The following GPX8 variants were observed in gnomAD, a reference collection of about 807,000 sequenced individuals.
GPX8 encodes protein peroxidase GPX8.
GPX8 carries 12 observed loss-of-function variants against 17.8 expected under a neutral mutation model. The observed-to-expected ratio is 0.67, with a 90% confidence interval of 0.43 to 1.09. The LOEUF (loss-of-function observed/expected upper bound fraction) is 1.09, where lower values mean the gene tolerates loss of function less well. Ranked by LOEUF, GPX8 falls within the 50% of genes least tolerant of loss-of-function variation. The pLI, the probability that GPX8 is intolerant of heterozygous loss-of-function variation, is 0.00. For synonymous variants in GPX8, 86 were observed against 88.1 expected (o/e 0.98, Z 0.14); for missense variants, 209 against 235.6 (o/e 0.89, Z 0.74).
chr5:55,161,437 G>A (rs888669707), intron 2 of GPX8, among the ~76,000 whole-genome samples, 182 bp downstream of exon 2: 1 of 152,166 alleles, frequency 6.6e-6, no homozygotes, highest in African/African-American at 2.4e-5. Flanking sequence ...TGAAATCAAT[G>A]TTTTAGCTTC....
At chr5:55,163,076 G>A (rs434658) in intron 2 of GPX8, among the ~76,000 whole-genome samples, 95,205 of 151,988 alleles carry the variant, frequency 0.63, 30,189 homozygotes, top group Admixed American at 0.71. Flanking sequence ...AGCACGGAGC[G>A]TACATTAATC....
At position 55,166,440 on chromosome 5, in the gene GPX8, G is replaced by A. The variant is rs752044192; in HGVS notation, c.*2222G>A. On this transcript the variant is annotated 3_prime_UTR_variant, in exon 3 of 3. Transcript: ENST00000503787. ...CCCTTTAGGTAAGCAGAGTAGGCAG[G>A]AGGAGATTTGAAAGCGTGTCATACA... 2 of 152,226 alleles carry A rather than the reference G, an allele frequency of 1.3e-5. No homozygotes were observed. The highest frequency in any genetic ancestry group is 2.9e-5 in the Non-Finnish European group (2 of 68,064). The allele number at this position is 152,226 out of a possible 1,614,324, so 9.4% of individuals were successfully genotyped here.
chr5:55,164,396 G>A lies in GPX8; in HGVS notation c.*178G>A. ...TAAACATGCTATTAAATGTGGCAATGAAGGATTTTTTTTTAATGTTATCTT... is the reference window on the plus strand; with the variant it reads ...TAAACATGCTATTAAATGTGGCAATAAAGGATTTTTTTTTAATGTTATCTT... On this transcript the variant is annotated 3_prime_UTR_variant, in exon 3 of 3. Transcript: ENST00000503787. 1 of 394,446 alleles carries A rather than the reference G, an allele frequency of 2.5e-6. No individual in the cohort carries two copies. 24.4% of individuals were successfully genotyped at this position (394,446 alleles called of 1,614,324 possible). A position where few individuals can be genotyped will look rare whatever the true frequency, so the allele number is the denominator to read the frequency against.
chr5:55,162,090 C>CAA (rs34286995), intron 2 of GPX8, among the ~76,000 whole-genome samples: 15 of 90,674 alleles, frequency 1.7e-4, no homozygotes, highest in East Asian at 3.1e-4. Flanking sequence ...CCATATTAGT[C>CAA]AAAAAAAAAA....
In GPX8 at chr5:55,165,793, A is replaced by C. The variant is rs899743054; in HGVS notation, c.*1575A>C. 3.3e-5 allele frequency: 5 copies of C among 152,266 alleles called. No individual in the cohort carries two copies. Among genetic ancestry groups the C allele is most frequent in the Non-Finnish European group, 5.9e-5 (4 of 68,052 alleles). The allele number at this position is 152,266 out of a possible 1,614,324, so 9.4% of individuals were successfully genotyped here. ...TGCGTGACTTTAGGCAAGTCACTTAAGTACCTTATTTCAGTTTCCTCACCT... is the reference window on the plus strand; with the variant it reads ...TGCGTGACTTTAGGCAAGTCACTTACGTACCTTATTTCAGTTTCCTCACCT... On this transcript the variant is annotated 3_prime_UTR_variant, in exon 3 of 3. Coordinates refer to ENST00000503787, the MANE Select transcript of GPX8 (RefSeq NM_001008397.4).
At chr5:55,160,572 T>C (rs1339702277) in intron 1 of GPX8, 176 bp downstream of exon 1, 9 of 568,550 alleles carry the variant, frequency 1.6e-5, no homozygotes, top group Middle Eastern at 4.6e-4. Context: ...TTCTAAATAA[T>C]AAATTCCGAT....
At position 55,165,093 on chromosome 5, in the gene GPX8, C is replaced by T. The variant is rs566117734; in HGVS notation, c.*875C>T. ...GGCTGATTTGGGTTGCTAATGTATT[C>T]GTACTAGATTAGCCACTTGGGAGGA... On this transcript the variant is annotated 3_prime_UTR_variant, in exon 3 of 3. Coordinates refer to ENST00000503787, the MANE Select transcript of GPX8 (RefSeq NM_001008397.4). The T allele has an allele frequency of 9.9e-5, 15 of 152,244 alleles. No homozygotes were observed. The highest frequency in any genetic ancestry group is 2.4e-4 in the African/African-American group (10 of 41,532). 9.4% of individuals were successfully genotyped at this position (152,244 alleles called of 1,614,324 possible).
intron 2 of GPX8, 57 bp downstream of exon 2, chr5:55,161,312 T>A: frequency 6.8e-7 from 1 of 1,465,210 alleles, no homozygotes; most frequent in South Asian, 1.2e-5. Context: ...TAAACAATTA[T>A]ACCAGGACAA....
Position 55,161,194 on chromosome 5 carries a change from C to T in GPX8, c.405C>T (p.Pro135=), listed in dbSNP as rs1417844494. The T allele has an allele frequency of 4.0e-5, 65 of 1,613,972 alleles. No individual in the cohort carries two copies. In the East Asian group the frequency reaches 1.4e-3, roughly 36 times the overall value. Residue 135 remains proline, a synonymous_variant, in exon 2 of 3, where the codon CCC becomes CCT. Coordinates refer to ENST00000503787, the MANE Select transcript of GPX8 (RefSeq NM_001008397.4). ...GAAAAAACTACGGAGTAACTTTCCC[C>T]ATCTTCCACAAGATTAAGATTCTAG... is the stretch of plus-strand genomic sequence containing the variant. ...FARKNYGVTF[P]IFHKIKILGS...
Position 55,161,182 on chromosome 5 carries a change from A to G in GPX8, c.393A>G (p.Gly131=), listed in dbSNP as rs773600557. ...AATCTTTTGCAAGAAAAAACTACGG[A>G]GTAACTTTCCCCATCTTCCACAAGA... The part of the protein sequence containing the change: ...EVESFARKNY[G]VTFPIFHKIK... Residue 131 remains glycine (G), a synonymous_variant, in exon 2 of 3, where the codon GGA becomes GGG. Coordinates refer to ENST00000503787, the MANE Select transcript of GPX8 (RefSeq NM_001008397.4). 1 of 1,614,204 alleles carries G rather than the reference A, an allele frequency of 6.2e-7. No homozygotes were observed.
At position 55,164,485 on chromosome 5, in the gene GPX8, G is replaced by T. The variant is rs1175955717; in HGVS notation, c.*267G>T. Reference sequence around the variant, plus strand: ...TTACCCAAAGCAAAAATCAAGAGTAGCCAAAGAATCAACATGAAATATATT... The same window carrying T: ...TTACCCAAAGCAAAAATCAAGAGTATCCAAAGAATCAACATGAAATATATT... On this transcript the variant is annotated 3_prime_UTR_variant, in exon 3 of 3. Coordinates refer to ENST00000503787, the MANE Select transcript of GPX8 (RefSeq NM_001008397.4). 8.6e-6 allele frequency: 2 copies of T among 233,736 alleles called. No individual in the cohort carries two copies. The highest frequency in any genetic ancestry group is 1.6e-5 in the Non-Finnish European group (2 of 122,082). 14.5% of individuals were successfully genotyped at this position (233,736 alleles called of 1,614,324 possible). A position where few individuals can be genotyped will look rare whatever the true frequency, so the allele number is the denominator to read the frequency against.
Position 55,164,180 on chromosome 5 carries a change from G to A in GPX8, c.592G>A (p.Val198Ile), listed in dbSNP as rs1490302715. The A allele has an allele frequency of 3.8e-6, 6 of 1,574,558 alleles. No homozygotes were observed. Among genetic ancestry groups the A allele is most frequent in the African/African-American group, 1.4e-5 (1 of 74,020 alleles). ...CATCAGGCCTGACATAGCAGCTCTG[G>A]TTAGACAAGTGATCATAAAAAAGAA... ...EVIRPDIAAL[V>I]RQVIIKKKED... The change falls in exon 3 of 3, where the codon GTT (valine) becomes ATT (isoleucine). Residue 198 changes from valine to isoleucine, a missense_variant. By Grantham distance (29) the Val-to-Ile change is conservative. Transcript: ENST00000503787.
chr5:55,160,602 T>C, intron 1 of GPX8: 9 of 550,202 alleles, frequency 1.6e-5, no homozygotes, highest in Non-Finnish European at 2.8e-5. Context: ...TTCTTTAAAA[T>C]GCTTTAATTT....
chr5:55,163,543 G>T (rs1302853733), intron 2 of GPX8, among the ~76,000 whole-genome samples: 1 of 151,626 alleles, frequency 6.6e-6, no homozygotes, highest in Non-Finnish European at 1.5e-5. Flanking sequence ...TTTCACTCTT[G>T]TCCCCCAGGC....
chr5:55,162,199 T>C (rs1458858792), intron 2 of GPX8, among the ~76,000 whole-genome samples: 1 of 150,752 alleles, frequency 6.6e-6, no homozygotes, highest in African/African-American at 2.4e-5. Flanking sequence ...AGTTAGAGAC[T>C]AGCCTGGCCA....
rs754103375 is a variant in GPX8 at position 55,160,402 on chromosome 5, T to C, written c.204+6T>C. On this transcript the variant is annotated splice_donor_region_variant and intron_variant, in intron 1 of 2. Transcript: ENST00000503787. ...TGGAAAAGTATAAAGGCAAAGTAAG[T>C]TGCATCATCTGATTTTTATTGTTAT... The C allele has an allele frequency of 7.5e-6, 12 of 1,600,506 alleles. No homozygotes were observed. The East Asian group carries it at 1.8e-4, about 24-fold the overall frequency.
In GPX8 at chr5:55,165,764, C is replaced by T. The variant is rs1008032644; in HGVS notation, c.*1546C>T. 2 of 152,238 alleles carry T rather than the reference C, an allele frequency of 1.3e-5. No individual in the cohort carries two copies. Among genetic ancestry groups the T allele is most frequent in the Non-Finnish European group, 2.9e-5 (2 of 68,052 alleles). The allele number at this position is 152,238 out of a possible 1,614,324, so 9.4% of individuals were successfully genotyped here. A position where few individuals can be genotyped will look rare whatever the true frequency, so the allele number is the denominator to read the frequency against. On this transcript the variant is annotated 3_prime_UTR_variant, in exon 3 of 3. Coordinates refer to ENST00000503787, the MANE Select transcript of GPX8 (RefSeq NM_001008397.4). ...CAGAAAGCCTGCTCCTACCTCTCGC[C>T]AGCTGCGTGACTTTAGGCAAGTCAC...
rs945064713 is a variant in GPX8 at position 55,164,437 on chromosome 5, T to C, written c.*219T>C. On this transcript the variant is annotated 3_prime_UTR_variant, in exon 3 of 3. Coordinates refer to ENST00000503787, the MANE Select transcript of GPX8 (RefSeq NM_001008397.4). ...ATGTTATCTTGCTATTAAGTGGTAA[T>C]GAATGTTCCCAGGATGAGGATGTTA... The C allele has an allele frequency of 3.1e-6, 1 of 318,742 alleles. No homozygotes were observed. 19.7% of individuals were successfully genotyped at this position (318,742 alleles called of 1,614,324 possible). A position where few individuals can be genotyped will look rare whatever the true frequency, so the allele number is the denominator to read the frequency against.
In GPX8 at chr5:55,164,992, T is replaced by C. The variant is rs1482074617; in HGVS notation, c.*774T>C. On this transcript the variant is annotated 3_prime_UTR_variant, in exon 3 of 3. Coordinates refer to ENST00000503787, the MANE Select transcript of GPX8 (RefSeq NM_001008397.4). Reference sequence around the variant, plus strand: ...ATCATAATATTACCAAGTAAGTCAGTCTTTATTTTTGCGTGAAAATCCCAA... The same window carrying C: ...ATCATAATATTACCAAGTAAGTCAGCCTTTATTTTTGCGTGAAAATCCCAA... 2 of 152,200 alleles carry C rather than the reference T, an allele frequency of 1.3e-5. No homozygotes were observed. Among genetic ancestry groups the C allele is most frequent in the Admixed American group, 6.5e-5 (1 of 15,278 alleles). The allele number at this position is 152,200 out of a possible 1,614,324, so 9.4% of individuals were successfully genotyped here. A position where few individuals can be genotyped will look rare whatever the true frequency, so the allele number is the denominator to read the frequency against.
Sources: allele counts gnomAD v4.1 joint callset (sites outside exome capture counted in the v4.1 genomes callset), GRCh38; gene constraint gnomAD v4.1.1; transcripts MANE v1.5; gene names NCBI Gene and HGNC (gene_info 2026-07-23, HGNC 2026-07-21).